Variants in OPCML observed in about 807,000 individuals in gnomAD.
OPCML encodes opioid-binding protein/cell adhesion molecule.
In OPCML, 13 loss-of-function variants were observed where a neutral mutation model predicts 37.8. The observed-to-expected ratio is 0.34, with a 90% confidence interval of 0.22 to 0.55. The LOEUF (loss-of-function observed/expected upper bound fraction) is 0.55, where lower values mean the gene tolerates loss of function less well. OPCML is among the 20% of genes least tolerant of loss of function. The pLI, the probability that OPCML is intolerant of heterozygous loss-of-function variation, is 0.91. For missense variants in OPCML, 341 were observed against 435.6 expected, an observed-to-expected ratio of 0.78 and a Z score of 1.93; for synonymous variants, 176 against 168.8, an observed-to-expected ratio of 1.04 and a Z score of -0.33.
chr11:133,365,003 A>G (rs1434639669), intron 1 of OPCML, among the ~76,000 whole-genome samples: 2 of 151,786 alleles, frequency 1.3e-5, no homozygotes, highest in Non-Finnish European at 2.9e-5. Context: ...CTTTTCATCA[A>G]CATGACTCTC....
chr11:133,045,887 A>G (rs972706678), intron 1 of OPCML, among the ~76,000 whole-genome samples: 1 of 152,222 alleles, frequency 6.6e-6, no homozygotes, highest in African/African-American at 2.4e-5. Flanking sequence ...ATGGCTCAAT[A>G]GTCACCTGCT....
At chr11:132,470,667 C>A (rs181360699) in intron 4 of OPCML, among the ~76,000 whole-genome samples, 1 of 152,062 alleles carries the variant, frequency 6.6e-6, no homozygotes, top group East Asian at 1.9e-4. Flanking sequence ...TAAGTGTGAT[C>A]ATAGATATCA....
intron 1 of OPCML, among the ~76,000 whole-genome samples, chr11:133,139,869 A>G (rs1359389154): frequency 2.6e-5 from 4 of 152,178 alleles, no homozygotes; most frequent in African/African-American, 9.7e-5. Context: ...AGGGAGTCTT[A>G]ACGAGAAGAG....
At chr11:133,040,175 A>G (rs1834997798) in intron 1 of OPCML, among the ~76,000 whole-genome samples, 2 of 152,082 alleles carry the variant, frequency 1.3e-5, no homozygotes, top group African/African-American at 2.4e-5. Context: ...GTTGAATTTT[A>G]TGGCATTTTT....
At chr11:133,121,573 G>C (rs996377713) in intron 1 of OPCML, among the ~76,000 whole-genome samples, 1 of 152,168 alleles carries the variant, frequency 6.6e-6, no homozygotes, top group African/African-American at 2.4e-5. Context: ...CAACATGGAG[G>C]AGTTAGAGAC....
At chr11:133,336,429 C>A (rs1192607825) in intron 1 of OPCML, among the ~76,000 whole-genome samples, 3 of 151,796 alleles carry the variant, frequency 2.0e-5, no homozygotes, top group Non-Finnish European at 4.4e-5. Flanking sequence ...TAGGACCAGA[C>A]AAATCTAGGT....
At chr11:132,650,503 T>G (rs1053736323) in intron 3 of OPCML, among the ~76,000 whole-genome samples, 1 of 152,218 alleles carries the variant, frequency 6.6e-6, no homozygotes, top group Non-Finnish European at 1.5e-5. Context: ...TTTGGCTGTG[T>G]GCTTTATCTG....
chr11:132,999,569 CG>C (rs1565390172), intron 1 of OPCML, among the ~76,000 whole-genome samples: 2 of 141,300 alleles, frequency 1.4e-5, no homozygotes, highest in African/African-American at 5.6e-5. Flanking sequence ...CAAATGGGGT[CG>C]GGGGGGGAAT....
At chr11:132,496,000 G>A (rs1008683328) in intron 4 of OPCML, among the ~76,000 whole-genome samples, 9 of 152,048 alleles carry the variant, frequency 5.9e-5, no homozygotes, top group Non-Finnish European at 1.0e-4. Flanking sequence ...GGTGCTAGAA[G>A]TAGCATCATA....
intron 1 of OPCML, among the ~76,000 whole-genome samples, chr11:133,381,598 A>G (rs930864218): frequency 6.6e-6 from 1 of 152,126 alleles, no homozygotes; most frequent in African/African-American, 2.4e-5. Context: ...GAAAGTGTGG[A>G]GTGTGATGAA....
At chr11:133,290,885 G>A (rs945866717) in intron 1 of OPCML, among the ~76,000 whole-genome samples, 5 of 152,210 alleles carry the variant, frequency 3.3e-5, no homozygotes, top group African/African-American at 1.2e-4. Flanking sequence ...TCAAGAAGTA[G>A]CCGCAGCTTA....
At chr11:132,883,512 A>G (rs890751410) in intron 2 of OPCML, among the ~76,000 whole-genome samples, 1 of 152,180 alleles carries the variant, frequency 6.6e-6, no homozygotes, top group South Asian at 2.1e-4. Context: ...TCCAGTGGGA[A>G]TAAAAATAAA....
At chr11:132,674,163 C>G (rs974764322) in intron 2 of OPCML, among the ~76,000 whole-genome samples, 2 of 152,160 alleles carry the variant, frequency 1.3e-5, no homozygotes, top group Non-Finnish European at 2.9e-5. Flanking sequence ...CATACACTAA[C>G]AGTCTCCTCT....
intron 1 of OPCML, among the ~76,000 whole-genome samples, chr11:132,955,422 GTCA>G (rs1221495500): frequency 1.3e-5 from 2 of 152,212 alleles, no homozygotes; most frequent in African/African-American, 2.4e-5. Context: ...AGTTGTCATT[GTCA>G]TCATCATCAT....
chr11:133,230,718 A>G (rs1327606276), intron 1 of OPCML, among the ~76,000 whole-genome samples: 3 of 152,188 alleles, frequency 2.0e-5, no homozygotes, highest in Non-Finnish European at 4.4e-5. Context: ...CCACCCCATC[A>G]CAGCACCTCA....
At chr11:132,888,479 T>C (rs1272517326) in intron 2 of OPCML, among the ~76,000 whole-genome samples, 2 of 148,992 alleles carry the variant, frequency 1.3e-5, no homozygotes, top group African/African-American at 5.1e-5. Context: ...TGCCTTACTT[T>C]CCATTTGTTT....
rs150366641 is a variant in OPCML, at chr11:133,045,678, C to T, written c.62-102668G>A. 9.3e-3 allele frequency among the ~76,000 whole-genome samples: 1,415 copies of T among 152,324 alleles called. 10 individuals are homozygous for T. The highest frequency in any genetic ancestry group is 0.013 in the Non-Finnish European group (863 of 68,022). ...CCCAATCAGGAGCATCACCTGTCAT[C>T]GGGCTTCACGTTTACTGAACAGTGT... On this transcript the variant is annotated intron_variant, in intron 1 of 7. Coordinates refer to ENST00000524381, the MANE Select transcript of OPCML (RefSeq NM_001012393.5).
chr11:132,435,183 T>A, intron 7 of OPCML: 3 of 1,289,564 alleles, frequency 2.3e-6, no homozygotes, highest in Non-Finnish European at 3.0e-6. Context: ...GAGGGGCTTA[T>A]TTCTAAGACA....
intron 1 of OPCML, among the ~76,000 whole-genome samples, chr11:133,371,422 C>G (rs1944672502): frequency 1.3e-5 from 2 of 152,148 alleles, no homozygotes; most frequent in African/African-American, 4.8e-5. Flanking sequence ...CTCTGTGTCC[C>G]CACTCAAATC....
Sources: allele counts gnomAD v4.1 joint callset (sites outside exome capture counted in the v4.1 genomes callset), GRCh38; gene constraint gnomAD v4.1.1; transcripts MANE v1.5; gene names NCBI Gene and HGNC (gene_info 2026-07-23, HGNC 2026-07-21).